The following CDH9 variants were observed in gnomAD, a reference collection of about 807,000 sequenced individuals.
The protein encoded by CDH9 is cadherin 9.
A neutral mutation model predicts 70.9 loss-of-function variants in CDH9; 28 were observed. The observed-to-expected ratio is 0.40, with a 90% CI of 0.29 to 0.54. CDH9 has a LOEUF of 0.54. CDH9 is among the 20% of genes least tolerant of loss of function. The pLI, the probability that CDH9 is intolerant of heterozygous loss-of-function variation, is 0.59. For missense variants in CDH9, 874 were observed against 984.4 expected (o/e 0.89, Z 1.50); for synonymous variants, 409 against 343.1 (o/e 1.19, Z -2.12).
chr5:27,022,213 T>C (rs1427242751), intron 1 of CDH9, among the ~76,000 whole-genome samples: 3 of 152,042 alleles, frequency 2.0e-5, no homozygotes, highest in African/African-American at 2.4e-5. Context: ...TGCCAATATA[T>C]AATCTCTCAA....
At chr5:27,036,735 T>G (rs918123205) in intron 1 of CDH9, among the ~76,000 whole-genome samples, 35 of 151,982 alleles carry the variant, frequency 2.3e-4, no homozygotes, top group Non-Finnish European at 5.0e-4. Flanking sequence ...ACATTTTTTT[T>G]CATTTTTCAA....
At chr5:26,946,753 T>C (rs1741761431) in intron 2 of CDH9, among the ~76,000 whole-genome samples, 1 of 152,126 alleles carries the variant, frequency 6.6e-6, no homozygotes, top group African/African-American at 2.4e-5. Flanking sequence ...TGTGGCTACT[T>C]GGGAAGATGT....
intron 7 of CDH9, among the ~76,000 whole-genome samples, chr5:26,896,536 TATACAATAGAATGAAATGAA>T (rs1189347789): frequency 5.9e-5 from 8 of 135,924 alleles, no homozygotes; most frequent in Non-Finnish European, 9.7e-5. Flanking sequence ...TTCATTTCAT[TATACAATAGAATGAAATGAA>T]AATTTCATTT....
chr5:26,986,224 T>C (rs1257385194), intron 2 of CDH9, among the ~76,000 whole-genome samples: 1 of 152,086 alleles, frequency 6.6e-6, no homozygotes. Flanking sequence ...TCTGATATTA[T>C]AATGAGTGTT....
chr5:26,889,968 AAC>A lies in CDH9; in HGVS notation c.1391-13_1391-12del, dbSNP rs774244900. The A allele has an allele frequency of 6.2e-7, 1 of 1,608,914 alleles. No individual in the cohort carries two copies. The highest frequency in any genetic ancestry group is 8.5e-7 in the Non-Finnish European group (1 of 1,177,794). ...TTTGTTTTGGGTTATCTGCAACGAG[AAC>A]ACGTGTAAGATTTCAGTCTCATTTA... On this transcript the variant is annotated splice_polypyrimidine_tract_variant and intron_variant, in intron 8 of 11. Transcript: ENST00000231021.
chr5:26,946,618 T>G (rs933765620), intron 2 of CDH9, among the ~76,000 whole-genome samples: 1 of 152,128 alleles, frequency 6.6e-6, no homozygotes, highest in Non-Finnish European at 1.5e-5. Context: ...TTAAGGGAAT[T>G]AAACAGTGAA....
chr5:26,952,029 G>A (rs1002733041), intron 2 of CDH9, among the ~76,000 whole-genome samples: 22 of 139,638 alleles, frequency 1.6e-4, no homozygotes, highest in Non-Finnish European at 9.2e-5. Flanking sequence ...TGCCCAGGCT[G>A]GAGTGCAGTG....
At chr5:26,992,770 A>C (rs1742598059) in intron 1 of CDH9, among the ~76,000 whole-genome samples, 1 of 152,096 alleles carries the variant, frequency 6.6e-6, no homozygotes, top group Non-Finnish European at 1.5e-5. Context: ...AAGAAAAGAG[A>C]ACAATAGAGA....
intron 1 of CDH9, among the ~76,000 whole-genome samples, chr5:27,015,534 T>C (rs901117310): frequency 2.0e-5 from 3 of 151,776 alleles, no homozygotes; most frequent in Non-Finnish European, 4.4e-5. Flanking sequence ...AGTCATTAGA[T>C]ATATGATATA....
chr5:27,017,812 C>T (rs1331731574), intron 1 of CDH9, among the ~76,000 whole-genome samples: 1 of 151,944 alleles, frequency 6.6e-6, no homozygotes, highest in East Asian at 1.9e-4. Flanking sequence ...GGCAGGAATC[C>T]AGCATTCTTT....
intron 1 of CDH9, among the ~76,000 whole-genome samples, chr5:27,031,254 T>C (rs1743306064): frequency 6.6e-6 from 1 of 151,870 alleles, no homozygotes; most frequent in Admixed American, 6.6e-5. Context: ...CTATATTGTA[T>C]GACTATACAT....
intron 1 of CDH9, among the ~76,000 whole-genome samples, chr5:27,009,705 CA>C (rs1167602719): frequency 1.3e-5 from 2 of 152,092 alleles, no homozygotes; most frequent in Non-Finnish European, 2.9e-5. Context: ...TCAGCCTCAA[CA>C]AGACTCAGAC....
chr5:26,904,960 T>C (rs555633540), intron 5 of CDH9, among the ~76,000 whole-genome samples: 3 of 152,104 alleles, frequency 2.0e-5, no homozygotes, highest in Non-Finnish European at 4.4e-5. Context: ...AGTCTCTTTA[T>C]AAAGGAATAT....
chr5:26,974,082 T>C (rs967409526), intron 2 of CDH9, among the ~76,000 whole-genome samples: 1 of 151,980 alleles, frequency 6.6e-6, no homozygotes, highest in Non-Finnish European at 1.5e-5. Context: ...TCGTCTCTAC[T>C]AAAACACAAA....
At chr5:26,891,846 C>T (rs6890235) in intron 7 of CDH9, among the ~76,000 whole-genome samples, 49,432 of 151,978 alleles carry the variant, frequency 0.33, 8,589 homozygotes, top group Middle Eastern at 0.51. Context: ...AAAAAATGAA[C>T]ATAGGCAGCC....
chr5:27,004,047 G>A (rs1392913786), intron 1 of CDH9, among the ~76,000 whole-genome samples: 1 of 150,596 alleles, frequency 6.6e-6, no homozygotes, highest in Non-Finnish European at 1.5e-5. Context: ...AGCAAGTTGA[G>A]TGGAGGGAGG....
intron 2 of CDH9, among the ~76,000 whole-genome samples, chr5:26,977,489 A>ATATATATATATATATATATATATATG (rs1401713640): frequency 4.0e-4 from 52 of 129,100 alleles, no homozygotes; most frequent in African/African-American, 2.3e-3. Flanking sequence ...GTGTGTGTAT[A>ATATATATATATATATATATATATATG]TATATATATA....
intron 2 of CDH9, among the ~76,000 whole-genome samples, chr5:26,945,762 A>G (rs893235817): frequency 6.6e-6 from 1 of 152,212 alleles, no homozygotes; most frequent in African/African-American, 2.4e-5. Context: ...AAAAGTGTCA[A>G]TGATAATAGC....
intron 2 of CDH9, among the ~76,000 whole-genome samples, chr5:26,919,457 T>A (rs1741205507): frequency 6.6e-6 from 1 of 152,126 alleles, no homozygotes; most frequent in Admixed American, 6.5e-5. Context: ...GCTAAAGGGT[T>A]CTGGGGCCTA....
Sources: gnomAD v4.1 joint callset for allele counts (sites outside exome capture counted in the v4.1 genomes callset) on GRCh38, gnomAD v4.1.1 for gene constraint, MANE v1.5 for transcripts, NCBI Gene and HGNC (gene_info 2026-07-23, HGNC 2026-07-21) for gene names.